The following IQSEC1 variants were observed in gnomAD, a reference collection of about 807,000 sequenced individuals.
The protein encoded by IQSEC1 is IQ motif and SEC7 domain-containing protein 1.
In IQSEC1, 31 loss-of-function variants were observed where a neutral mutation model predicts 91.0. That is an observed-to-expected ratio of 0.34 (90% CI 0.26 to 0.46). The LOEUF is 0.46. IQSEC1 is among the 20% of genes least tolerant of loss of function. The pLI, the probability that IQSEC1 is intolerant of heterozygous loss-of-function variation, is 1.00. For missense variants in IQSEC1, 1,388 were observed against 1,575.6 expected, an observed-to-expected ratio of 0.88 and a Z score of 2.02; for synonymous variants, 699 against 662.6, an observed-to-expected ratio of 1.05 and a Z score of -0.84.
At chr3:13,038,991 T>G (rs1704151007) in intron 1 of IQSEC1, among the ~76,000 whole-genome samples, 2 of 152,262 alleles carry the variant, frequency 1.3e-5, no homozygotes, top group Non-Finnish European at 2.9e-5. Context: ...AGGGATAAGA[T>G]TTGTGGGGTG....
chr3:13,013,121 C>G (rs747610976), intron 1 of IQSEC1, among the ~76,000 whole-genome samples: 1 of 152,046 alleles, frequency 6.6e-6, no homozygotes, highest in Non-Finnish European at 1.5e-5. Context: ...CCACCACGCC[C>G]GGCTAATTTT....
At chr3:13,097,575 C>G (rs1705986768) in intron 2 of IQSEC1, among the ~76,000 whole-genome samples, 1 of 152,250 alleles carries the variant, frequency 6.6e-6, no homozygotes, top group African/African-American at 2.4e-5. Flanking sequence ...CTGCAGCCGC[C>G]AGCCCCCACC....
chr3:13,112,589 C>T (rs552626022), intron 2 of IQSEC1, among the ~76,000 whole-genome samples: 3 of 130,628 alleles, frequency 2.3e-5, no homozygotes, highest in African/African-American at 3.9e-5. Context: ...GCGTGCTGGC[C>T]CCCAGGCACC....
chr3:12,988,976 C>T (rs1460598722), intron 1 of IQSEC1, among the ~76,000 whole-genome samples: 1 of 152,166 alleles, frequency 6.6e-6, no homozygotes, highest in Admixed American at 6.5e-5. Flanking sequence ...ACTTGCCCAA[C>T]GATGCAAAGC....
intron 2 of IQSEC1, among the ~76,000 whole-genome samples, chr3:13,117,907 A>G (rs372302145): frequency 6.6e-6 from 1 of 152,118 alleles, no homozygotes; most frequent in East Asian, 1.9e-4. Context: ...ACAACACATA[A>G]GTATCGGTGA....
intron 12 of IQSEC1, among the ~76,000 whole-genome samples, chr3:12,905,982 G>A (rs1223384024): frequency 6.6e-6 from 1 of 152,220 alleles, no homozygotes; most frequent in African/African-American, 2.4e-5. Context: ...CCAGGGCTGA[G>A]ACGCCAGGCA....
upstream of IQSEC1, among the ~76,000 whole-genome samples, chr3:13,075,840 A>G (rs1055387838): frequency 6.6e-6 from 1 of 152,028 alleles, no homozygotes; most frequent in Non-Finnish European, 1.5e-5. Flanking sequence ...TGGGATTCCG[A>G]CTCTGATCTC....
chr3:13,065,537 C>A (rs1367386336), intron 1 of IQSEC1, among the ~76,000 whole-genome samples: 1 of 152,156 alleles, frequency 6.6e-6, no homozygotes, highest in Non-Finnish European at 1.5e-5. Flanking sequence ...CACAAGATAC[C>A]ACTTCACACC....
At chr3:13,056,044 G>A (rs1225198495) in intron 1 of IQSEC1, among the ~76,000 whole-genome samples, 7 of 152,004 alleles carry the variant, frequency 4.6e-5, no homozygotes, top group Non-Finnish European at 1.0e-4. Flanking sequence ...ACAGCAGCAC[G>A]AGTCATGAGT....
chr3:13,126,050 T>C (rs903586512), intron 2 of IQSEC1, among the ~76,000 whole-genome samples: 15 of 152,238 alleles, frequency 9.9e-5, no homozygotes, highest in Non-Finnish European at 1.5e-4. Context: ...TTGTTGTTGT[T>C]GTTTTTAACA....
chr3:12,974,102 T>A (rs1367903873), intron 1 of IQSEC1, among the ~76,000 whole-genome samples: 1 of 152,184 alleles, frequency 6.6e-6, no homozygotes, highest in African/African-American at 2.4e-5. Context: ...AAAGAACCAC[T>A]GCAGCTAGGC....
chr3:13,269,467 ACTGGGCTGGGAAGCCCAG>A (rs1183502180), intron 1 of IQSEC1, among the ~76,000 whole-genome samples: 5 of 152,150 alleles, frequency 3.3e-5, no homozygotes, highest in Non-Finnish European at 7.4e-5. Flanking sequence ...TCCCTGAGTG[ACTGGGCTGGGAAGCCCAG>A]CCCACTCCCA....
intron 1 of IQSEC1, among the ~76,000 whole-genome samples, chr3:13,276,111 C>T (rs1179520650): frequency 1.7e-5 from 1 of 58,550 alleles, no homozygotes; most frequent in East Asian, 1.2e-3. Flanking sequence ...TTTTTTGAGA[C>T]AGAGTCTTGC....
intron 1 of IQSEC1, among the ~76,000 whole-genome samples, chr3:13,252,717 T>C (rs557225325): frequency 4.0e-4 from 59 of 146,460 alleles, no homozygotes; most frequent in African/African-American, 7.7e-4. Flanking sequence ...TTATTATCTA[T>C]GTTTTTTTTT....
At chr3:13,020,806 C>G (rs372218877) in intron 1 of IQSEC1, among the ~76,000 whole-genome samples, 5 of 152,274 alleles carry the variant, frequency 3.3e-5, no homozygotes, top group African/African-American at 9.6e-5. Context: ...GTAGCTGGGA[C>G]TAGAGACATG....
At chr3:12,917,713 G>C (rs1696237820) in intron 6 of IQSEC1, among the ~76,000 whole-genome samples, 1 of 152,196 alleles carries the variant, frequency 6.6e-6, no homozygotes, top group Non-Finnish European at 1.5e-5. Flanking sequence ...TCCGTGTGCA[G>C]GTTTTTCTGT....
At chr3:13,114,092 G>C (rs1204400124) in intron 2 of IQSEC1, among the ~76,000 whole-genome samples, 1 of 152,246 alleles carries the variant, frequency 6.6e-6, no homozygotes, top group Non-Finnish European at 1.5e-5. Flanking sequence ...GGAAGGAAAT[G>C]CTCCAGACAT....
At chr3:13,263,257 CAA>C (rs1202302387) in intron 1 of IQSEC1, among the ~76,000 whole-genome samples, 7 of 151,660 alleles carry the variant, frequency 4.6e-5, no homozygotes, top group Admixed American at 3.9e-4. Context: ...TCAAACAAAA[CAA>C]AACAAAACAA....
intron 1 of IQSEC1, among the ~76,000 whole-genome samples, chr3:13,044,987 T>G (rs1391124921): frequency 6.6e-6 from 1 of 152,192 alleles, no homozygotes; most frequent in South Asian, 2.1e-4. Flanking sequence ...CCCTCATCTG[T>G]GAAAGGGGAA....
Sources: allele counts gnomAD v4.1 joint callset (sites outside exome capture counted in the v4.1 genomes callset), GRCh38; gene constraint gnomAD v4.1.1; transcripts MANE v1.5; gene names NCBI Gene and HGNC (gene_info 2026-07-23, HGNC 2026-07-21).